The following KLF12 variants were observed in gnomAD, a reference collection of about 807,000 sequenced individuals.
The protein encoded by KLF12 is KLF transcription factor 12.
A neutral mutation model predicts 37.8 loss-of-function variants in KLF12; 9 were observed. That is an observed-to-expected ratio of 0.24 (90% CI 0.14 to 0.42). KLF12 has a LOEUF of 0.42. Ranked by LOEUF, KLF12 falls within the 10% of genes least tolerant of loss-of-function variation. The pLI, the probability that KLF12 is intolerant of heterozygous loss-of-function variation, is 1.00. For missense variants in KLF12, 411 were observed against 516.0 expected (o/e 0.80, Z 1.97); for synonymous variants, 208 against 202.1 (o/e 1.03, Z -0.25).
chr13:74,010,975 C>T (rs1375277953), intron 1 of KLF12, among the ~76,000 whole-genome samples: 5 of 152,056 alleles, frequency 3.3e-5, no homozygotes, highest in Non-Finnish European at 5.9e-5. Context: ...GATTTTTTGG[C>T]TTTAGGTTTA....
the KLF12 span, among the ~76,000 whole-genome samples, chr13:74,169,035 C>T: frequency 6.6e-6 from 1 of 152,090 alleles, no homozygotes; most frequent in Non-Finnish European, 1.5e-5. Flanking sequence ...CTTTTGGTAG[C>T]TTCAAAGCAA....
At chr13:74,239,749 G>A in the KLF12 span, among the ~76,000 whole-genome samples, 1 of 151,638 alleles carries the variant, frequency 6.6e-6, no homozygotes, top group Admixed American at 6.6e-5. Context: ...TTTTATCAGA[G>A]ACTAGGATTG....
chr13:73,878,332 T>C (rs765139732), intron 3 of KLF12, among the ~76,000 whole-genome samples: 4 of 152,170 alleles, frequency 2.6e-5, no homozygotes, highest in African/African-American at 4.8e-5. Flanking sequence ...CCTTCTTACA[T>C]GGGCCAAAAA....
At chr13:73,832,940 G>A (rs190163148) in intron 4 of KLF12, among the ~76,000 whole-genome samples, 29 of 152,272 alleles carry the variant, frequency 1.9e-4, no homozygotes, top group African/African-American at 6.5e-4. Flanking sequence ...AAGAGACACT[G>A]CCTATGAACT....
chr13:74,189,126 A>C, the KLF12 span, among the ~76,000 whole-genome samples: 10 of 152,234 alleles, frequency 6.6e-5, no homozygotes, highest in African/African-American at 2.4e-4. Context: ...TCATAAACCT[A>C]TTTGATCACA....
chr13:74,071,852 G>A (rs1874273969), intron 1 of KLF12, among the ~76,000 whole-genome samples: 1 of 152,172 alleles, frequency 6.6e-6, no homozygotes, highest in East Asian at 1.9e-4. Context: ...GTCTGACTGT[G>A]TATGGTGATT....
At chr13:73,874,541 C>G (rs2138899386) in intron 3 of KLF12, among the ~76,000 whole-genome samples, 1 of 152,300 alleles carries the variant, frequency 6.6e-6, no homozygotes, top group South Asian at 2.1e-4. Flanking sequence ...TGATGTCTGT[C>G]TATTCTAAAT....
At chr13:73,964,350 T>C (rs1393068875) in intron 2 of KLF12, among the ~76,000 whole-genome samples, 1 of 152,140 alleles carries the variant, frequency 6.6e-6, no homozygotes, top group Non-Finnish European at 1.5e-5. Flanking sequence ...GATCTTTGCA[T>C]CTCCCATTGT....
intron 2 of KLF12, among the ~76,000 whole-genome samples, chr13:73,982,938 T>C (rs1389248716): frequency 2.6e-5 from 4 of 151,804 alleles, no homozygotes; most frequent in Admixed American, 1.3e-4. Flanking sequence ...ATAATCATAC[T>C]CTTTAACACT....
chr13:74,021,286 C>T (rs967626145), intron 1 of KLF12, among the ~76,000 whole-genome samples: 4 of 151,782 alleles, frequency 2.6e-5, no homozygotes, highest in Non-Finnish European at 5.9e-5. Context: ...TCCCACTTTT[C>T]TCATCAAGAA....
chr13:73,758,235 G>C (rs1246577906), intron 6 of KLF12, among the ~76,000 whole-genome samples: 1 of 152,054 alleles, frequency 6.6e-6, no homozygotes, highest in African/African-American at 2.4e-5. Context: ...ACTTTAAAAG[G>C]AAGAGGTTTG....
chr13:73,738,114 T>TACACACACACATATATGTGTGTGTAC (rs1555299031), intron 6 of KLF12, among the ~76,000 whole-genome samples: 4 of 69,164 alleles, frequency 5.8e-5, no homozygotes, highest in Admixed American at 2.6e-4. Context: ...TATATATATA[T>TACACACACACATATATGTGTGTGTAC]ATATATATAT....
intron 1 of KLF12, among the ~76,000 whole-genome samples, chr13:74,115,702 C>CA (rs10607202): frequency 3.3e-4 from 45 of 137,018 alleles, no homozygotes; most frequent in African/African-American, 1.1e-3. Flanking sequence ...AAAACTCTGA[C>CA]AAAAAAAAAA....
At chr13:74,071,266 G>C (rs1874219553) in intron 1 of KLF12, among the ~76,000 whole-genome samples, 1 of 152,104 alleles carries the variant, frequency 6.6e-6, no homozygotes, top group Admixed American at 6.5e-5. Flanking sequence ...ACACACAGGA[G>C]TATTTTATTA....
the KLF12 span, among the ~76,000 whole-genome samples, chr13:74,167,107 A>G: frequency 6.6e-6 from 1 of 152,220 alleles, no homozygotes; most frequent in Admixed American, 6.5e-5. Context: ...TCTAGTCTCT[A>G]CTTTTACATT....
intron 7 of KLF12, among the ~76,000 whole-genome samples, chr13:73,704,121 T>C (rs1391532652): frequency 6.6e-6 from 1 of 152,192 alleles, no homozygotes; most frequent in Non-Finnish European, 1.5e-5. Flanking sequence ...CCTTTACCTG[T>C]TGCATAAACG....
chr13:74,241,833 C>T, the KLF12 span, among the ~76,000 whole-genome samples: 1 of 152,178 alleles, frequency 6.6e-6, no homozygotes, highest in African/African-American at 2.4e-5. Context: ...CACTGACCTG[C>T]GCCCACTGTC....
chr13:74,089,468 C>G (rs1327327483), intron 1 of KLF12, among the ~76,000 whole-genome samples: 1 of 152,018 alleles, frequency 6.6e-6, no homozygotes, highest in Non-Finnish European at 1.5e-5. Context: ...ACCTAATTAT[C>G]TAGGTATTTA....
At chr13:74,168,060 A>G in the KLF12 span, among the ~76,000 whole-genome samples, 2 of 152,230 alleles carry the variant, frequency 1.3e-5, no homozygotes, top group African/African-American at 4.8e-5. Flanking sequence ...TATAACAAAA[A>G]CAGCGTGCAT....
Sources: allele counts gnomAD v4.1 joint callset (sites outside exome capture counted in the v4.1 genomes callset), GRCh38; gene constraint gnomAD v4.1.1; transcripts MANE v1.5; gene names NCBI Gene and HGNC (gene_info 2026-07-23, HGNC 2026-07-21).